The following LARP6 variants were observed in gnomAD, a reference collection of about 807,000 sequenced individuals.
LARP6 encodes la-related protein 6.
In LARP6, 18 loss-of-function variants were observed where a neutral mutation model predicts 32.8. That is an observed-to-expected ratio of 0.55 (90% confidence interval 0.38 to 0.81). The LOEUF (loss-of-function observed/expected upper bound fraction) is 0.81, where lower values mean the gene tolerates loss of function less well. Ranked by LOEUF, LARP6 falls within the 40% of genes least tolerant of loss-of-function variation. The pLI is 0.00. For missense variants in LARP6, 598 were observed against 663.1 expected, an observed-to-expected ratio of 0.90 and a Z score of 1.08; for synonymous variants, 289 against 267.2, an observed-to-expected ratio of 1.08 and a Z score of -0.80.
chr15:70,843,508 C>T (rs1301808243), intron 1 of LARP6, among the ~76,000 whole-genome samples: 1 of 152,080 alleles, frequency 6.6e-6, no homozygotes, highest in Non-Finnish European at 1.5e-5. Flanking sequence ...ACTTGCCAAC[C>T]GTAGTCATTC....
rs1432141418 is a variant in LARP6, at chr15:70,832,453, T to C, written c.1075A>G (p.Asn359Asp). The C allele has an allele frequency of 6.4e-7, 1 of 1,558,204 alleles. No individual in the cohort carries two copies. Among genetic ancestry groups the C allele is most frequent in the East Asian group, 2.3e-5 (1 of 44,384 alleles). ...PMAGRRHAATNKLSPSGHQNL... is the reference protein window; with the variant it reads ...PMAGRRHAATDKLSPSGHQNL... ...TGGTGGCCAGACGGGCTGAGCTTGTTGGTGGCCGCGTGCCGTCGGCCCGCC... is the reference window on the plus strand; with the variant it reads ...TGGTGGCCAGACGGGCTGAGCTTGTCGGTGGCCGCGTGCCGTCGGCCCGCC... The change falls in exon 3 of 3, where the codon AAC becomes GAC. Residue 359 changes from asparagine to aspartate, a missense_variant. Asn to Asp is a conservative substitution (Grantham distance 23). This residue lies in a region of LARP6 where 368 missense variants were observed against 397.9 expected (regional missense o/e 0.92). Coordinates refer to ENST00000299213, the MANE Select transcript of LARP6 (RefSeq NM_018357.4).
In LARP6 at chr15:70,833,051, C is replaced by T; in HGVS notation, c.477G>A (p.Glu159=). 2 of 1,614,106 alleles carry T rather than the reference C, an allele frequency of 1.2e-6. No individual in the cohort carries two copies. The highest frequency in any genetic ancestry group is 1.1e-5 in the South Asian group (1 of 91,074). ...AHALKYSVVL[E]LNEDHRKVRR... The stretch of plus-strand genomic sequence containing the variant: ...TCACCTTCCGGTGGTCCTCATTCAA[C>T]TCAAGGACCACTGAATACTTCAAAG... The change falls in exon 3 of 3, where the codon GAG becomes GAA. Residue 159 remains glutamate (E), a synonymous_variant. Transcript: ENST00000299213.
intron 1 of LARP6, chr15:70,851,617 G>C (rs776747923): frequency 5.0e-6 from 8 of 1,608,236 alleles, no homozygotes; most frequent in Non-Finnish European, 6.8e-6. Context: ...ATAGAGATAC[G>C]CATTCAGTCA....
At position 70,854,157 on chromosome 15, in the gene LARP6, T is replaced by G; in HGVS notation, c.-69A>C. 1 of 1,130,774 alleles carries G rather than the reference T, an allele frequency of 8.8e-7. No homozygotes were observed. The highest frequency in any genetic ancestry group is 4.3e-5 in the South Asian group (1 of 23,298). 70.0% of individuals were successfully genotyped at this position (1,130,774 alleles called of 1,614,324 possible). ...GCCCAGCCAGCCGGTCGGCAGCGAC[T>G]GCGACGAGGGGGCGGGGGCGGTGCG... is the stretch of plus-strand genomic sequence containing the variant. On this transcript the variant is annotated 5_prime_UTR_variant, in exon 1 of 3. Coordinates refer to ENST00000299213, the MANE Select transcript of LARP6 (RefSeq NM_018357.4).
Position 70,853,908 on chromosome 15 carries a change from C to A in LARP6, c.181G>T (p.Glu61Ter). 1 of 1,364,360 alleles carries A rather than the reference C, an allele frequency of 7.3e-7. No homozygotes were observed. The allele number at this position is 1,364,360 out of a possible 1,614,324, so 84.5% of individuals were successfully genotyped here. A position where few individuals can be genotyped will look rare whatever the true frequency, so the allele number is the denominator to read the frequency against. Residue 61 changes from glutamate (E) to a stop codon, truncating the protein, a stop_gained, in exon 1 of 3, where the codon GAG (glutamate) becomes TAG (stop). Transcript: ENST00000299213. LOFTEE classifies it high-confidence loss of function. ...SPGWGSASEE[E>*]PSRGHSGTTA... The stretch of plus-strand genomic sequence containing the variant: ...GCCTACCTGTGCCCGCGGCTCGGCT[C>A]CTCCTCGCTCGCGCTGCCCCAGCCG...
Position 70,832,896 on chromosome 15 carries a change from T to C in LARP6, c.632A>G (p.Glu211Gly), listed in dbSNP as rs764466028. ...ATPQKNGRVQ[E>G]KVMEHLLKLF... The stretch of plus-strand genomic sequence containing the variant: ...CTTGAGCAGGTGTTCCATCACCTTC[T>C]CTTGCACCCTTCCATTCTTCTGGGG... The change falls in exon 3 of 3, where the codon GAG becomes GGG. Residue 211 changes from glutamate to glycine, a missense_variant. Glu to Gly is a moderately conservative substitution (Grantham distance 98). Transcript: ENST00000299213. 1 of 1,606,744 alleles carries C rather than the reference T, an allele frequency of 6.2e-7. No individual in the cohort carries two copies. Among genetic ancestry groups the C allele is most frequent in the Non-Finnish European group, 8.5e-7 (1 of 1,176,810 alleles).
intron 1 of LARP6, chr15:70,852,377 C>T: frequency 2.3e-6 from 1 of 427,978 alleles, no homozygotes; most frequent in South Asian, 1.7e-5. Flanking sequence ...CCTACCCATA[C>T]TGAGGCTTGG....
intron 1 of LARP6, among the ~76,000 whole-genome samples, chr15:70,845,294 T>C (rs2032325811): frequency 6.6e-6 from 1 of 152,232 alleles, no homozygotes; most frequent in Admixed American, 6.5e-5. Context: ...TAAGCTGTCA[T>C]GTCTCCTGAG....
chr15:70,832,001 T>C lies in LARP6; in HGVS notation c.*51A>G. 1 of 1,323,826 alleles carries C rather than the reference T, an allele frequency of 7.6e-7. No homozygotes were observed. The highest frequency in any genetic ancestry group is 1.0e-6 in the Non-Finnish European group (1 of 980,926). 82.0% of individuals were successfully genotyped at this position (1,323,826 alleles called of 1,614,324 possible). A position where few individuals can be genotyped will look rare whatever the true frequency, so the allele number is the denominator to read the frequency against. On this transcript the variant is annotated 3_prime_UTR_variant, in exon 3 of 3. Coordinates refer to ENST00000299213, the MANE Select transcript of LARP6 (RefSeq NM_018357.4). ...GTCATGCCAGGTGTTTGTCAGAACC[T>C]TGAAAACGAAGGTGGTTTTCAGTGG...
intron 2 of LARP6, among the ~76,000 whole-genome samples, chr15:70,834,399 A>G (rs1185713332): frequency 1.3e-5 from 2 of 152,216 alleles, no homozygotes; most frequent in Non-Finnish European, 2.9e-5. Context: ...GAATCCAGAA[A>G]GGGTGAAGCT....
At chr15:70,851,501 G>A in intron 1 of LARP6, 1 of 1,447,682 alleles carries the variant, frequency 6.9e-7, no homozygotes, top group South Asian at 1.5e-5. Flanking sequence ...ATTAGGCTAG[G>A]TATGGAAATA....
At chr15:70,840,778 A>G (rs955177440) in intron 1 of LARP6, among the ~76,000 whole-genome samples, 1 of 151,956 alleles carries the variant, frequency 6.6e-6, no homozygotes, top group African/African-American at 2.4e-5. Context: ...TACGAAAGGG[A>G]CCCCTGTGGG....
chr15:70,846,937 T>A (rs2032358546), intron 1 of LARP6, among the ~76,000 whole-genome samples: 1 of 152,232 alleles, frequency 6.6e-6, no homozygotes, highest in Non-Finnish European at 1.5e-5. Context: ...AAAAATCATT[T>A]CTACTTCTCC....
intron 1 of LARP6, among the ~76,000 whole-genome samples, chr15:70,847,004 C>T (rs942283772): frequency 3.3e-5 from 5 of 152,126 alleles, no homozygotes; most frequent in Non-Finnish European, 2.9e-5. Context: ...ATTAGCAGCC[C>T]GAACACTGAG....
rs11072220 is a variant in LARP6 at position 70,830,916 on chromosome 15, G to A, written c.*1136C>T. 61,357 of 152,082 alleles carry A rather than the reference G, an allele frequency of 0.4. 13,720 individuals are homozygous for A. Among genetic ancestry groups the A allele is most frequent in the Admixed American group, 0.61 (9,297 of 15,276 alleles). The allele number at this position is 152,082 out of a possible 1,614,324, so 9.4% of individuals were successfully genotyped here. ...CAGCTGCATTCCAGACATGGACATC[G>A]TAACAAAGCAATTCACAGGGAGATG... On this transcript the variant is annotated 3_prime_UTR_variant, in exon 3 of 3. Coordinates refer to ENST00000299213, the MANE Select transcript of LARP6 (RefSeq NM_018357.4).
chr15:70,839,069 TAA>T (rs1182106797), intron 1 of LARP6, among the ~76,000 whole-genome samples: 2 of 152,184 alleles, frequency 1.3e-5, no homozygotes, highest in African/African-American at 2.4e-5. Flanking sequence ...TGATTAAAAA[TAA>T]AGAGTTTTAG....
At chr15:70,843,678 C>T (rs1250325328) in intron 1 of LARP6, among the ~76,000 whole-genome samples, 3 of 101,846 alleles carry the variant, frequency 2.9e-5, no homozygotes, top group South Asian at 3.5e-4. Flanking sequence ...TTTTTTGAGA[C>T]GGAGTCTCAC....
chr15:70,832,182 C>T lies in LARP6; in HGVS notation c.1346G>A (p.Gly449Asp), dbSNP rs750190567. 6.2e-6 allele frequency: 10 copies of T among 1,613,960 alleles called. No homozygotes were observed. The highest frequency in any genetic ancestry group is 1.1e-5 in the South Asian group (1 of 91,032). Residue 449 changes from glycine to aspartate, a missense_variant, in exon 3 of 3, where the codon GGT becomes GAT. Physicochemically the swap from Gly to Asp is moderately conservative, Grantham distance 94. Transcript: ENST00000299213. ...CTTCCGGGAGAGCAGGGGACTCGTACCGGGGCTTTTCTCCTGGGTCCCCAT... is the reference window on the plus strand; with the variant it reads ...CTTCCGGGAGAGCAGGGGACTCGTATCGGGGCTTTTCTCCTGGGTCCCCAT... ...AEMGTQEKSP[G>D]TSPLLSRKMQ...
rs1287266651 is a variant in LARP6 at position 70,829,884 on chromosome 15, G to T, written c.*2168C>A. ...CGAGGGTTAATCTAAAAATAGAGCTGTGACTTGTGTAACAGGCATAATAGG... is the reference window on the plus strand; with the variant it reads ...CGAGGGTTAATCTAAAAATAGAGCTTTGACTTGTGTAACAGGCATAATAGG... On this transcript the variant is annotated 3_prime_UTR_variant, in exon 3 of 3. Coordinates refer to ENST00000299213, the MANE Select transcript of LARP6 (RefSeq NM_018357.4). 6.6e-6 allele frequency: 1 copy of T among 152,306 alleles called. No individual in the cohort carries two copies. Among genetic ancestry groups the T allele is most frequent in the East Asian group, 1.9e-4 (1 of 5,200 alleles). 9.4% of individuals were successfully genotyped at this position (152,306 alleles called of 1,614,324 possible).
Sources: gnomAD v4.1 joint callset for allele counts (sites outside exome capture counted in the v4.1 genomes callset) on GRCh38, gnomAD v4.1.1 for gene constraint, gnomAD v4.1.1 regional missense constraint, MANE v1.5 for transcripts, NCBI Gene and HGNC (gene_info 2026-07-23, HGNC 2026-07-21) for gene names.